The following BHLHE41 variants were observed in gnomAD, a reference collection of about 807,000 sequenced individuals.
BHLHE41 encodes class E basic helix-loop-helix protein 41.
BHLHE41 carries 14 observed loss-of-function variants against 24.0 expected under a neutral mutation model. The ratio of observed to expected loss-of-function variants is 0.58; its 90% CI spans 0.39 to 0.91. The LOEUF is 0.91. Among genes scored for constraint, BHLHE41 ranks in the 40% least tolerant of loss-of-function variants. BHLHE41 has a pLI of 0.00. For missense variants in BHLHE41, 674 were observed against 655.4 expected, an observed-to-expected ratio of 1.03 and a Z score of -0.31; for synonymous variants, 394 against 315.5, an observed-to-expected ratio of 1.25 and a Z score of -2.64.
chr12:26,121,951 A>C lies in BHLHE41; in HGVS notation c.*115T>G. On this transcript the variant is annotated 3_prime_UTR_variant, in exon 5 of 5. Coordinates refer to ENST00000242728, the MANE Select transcript of BHLHE41 (RefSeq NM_030762.3). ...TTTATGCCTGTCGTGCATCTATTAC[A>C]CTTCCTCCCTTAAAGACCTTAAGGG... is the stretch of plus-strand genomic sequence containing the variant. 3 of 1,536,282 alleles carry C rather than the reference A, an allele frequency of 2.0e-6. No individual in the cohort carries two copies. In the South Asian group the frequency reaches 3.6e-5, roughly 19 times the overall value.
Position 26,123,148 on chromosome 12 carries a change from G to C in BHLHE41, c.367C>G (p.Pro123Ala). The change falls in exon 5 of 5, where the codon CCC becomes GCC. Residue 123 changes from proline to alanine, a missense_variant. By Grantham distance (27) the Pro-to-Ala change is conservative. Transcript: ENST00000242728. ...LQNGERSLKS[P>A]IQSDLDAFHS... is the part of the protein sequence containing the mutation. Reference sequence around the variant, plus strand: ...AACGCATCCAAGTCGGACTGAATGGGCGATTTCAGAGATCGCTCCCCTAGG... The same window carrying C: ...AACGCATCCAAGTCGGACTGAATGGCCGATTTCAGAGATCGCTCCCCTAGG... The C allele has an allele frequency of 5.6e-6, 9 of 1,598,900 alleles. No individual in the cohort carries two copies. Among genetic ancestry groups the C allele is most frequent in the Non-Finnish European group, 7.7e-6 (9 of 1,169,308 alleles).
At chr12:26,124,221 A>G (rs1944341514) in intron 2 of BHLHE41, 42 bp from the exon 3 acceptor site, 1 of 1,328,606 alleles carries the variant, frequency 7.5e-7, no homozygotes, top group Admixed American at 1.7e-5. Flanking sequence ...ACAGTAAGCG[A>G]AACATTCACT....
rs1944303317 is a variant in BHLHE41 at position 26,121,382 on chromosome 12, C to G, written c.*684G>C. ...ATGGCCCAGCTCCGTGTTTCTTTAA[C>G]GAGTGCAAGTTACTAAGAGATACCA... On this transcript the variant is annotated 3_prime_UTR_variant, in exon 5 of 5. Transcript: ENST00000242728. 1.3e-5 allele frequency: 2 copies of G among 152,620 alleles called. No homozygotes were observed. The highest frequency in any genetic ancestry group is 6.5e-5 in the Admixed American group (1 of 15,282). 9.5% of individuals were successfully genotyped at this position (152,620 alleles called of 1,614,324 possible). A position where few individuals can be genotyped will look rare whatever the true frequency, so the allele number is the denominator to read the frequency against.
At position 26,122,601 on chromosome 12, in the gene BHLHE41, A is replaced by C; in HGVS notation, c.914T>G (p.Leu305Arg). Reference sequence around the variant, plus strand: ...GGCCGCGGCGGCAGGGTCGGGCCCCAGAAGCGCGGCTGCCGCCGCCGCCGC... The same window carrying C: ...GGCCGCGGCGGCAGGGTCGGGCCCCCGAAGCGCGGCTGCCGCCGCCGCCGC... The part of the protein sequence containing the change: ...GGAAAAAAAL[L>R]GPDPAAAAAL... Residue 305 changes from leucine (L) to arginine (R), a missense_variant, in exon 5 of 5, where the codon CTG becomes CGG. Physicochemically the swap from Leu to Arg is moderately radical, Grantham distance 102. Around this residue, in one of 3 missense-constraint regions of BHLHE41, gnomAD observed 602 missense variants for 570.8 expected, o/e 1.05. Transcript: ENST00000242728. The C allele has an allele frequency of 8.9e-7, 1 of 1,121,886 alleles. No individual in the cohort carries two copies. Among genetic ancestry groups the C allele is most frequent in the Non-Finnish European group, 1.1e-6 (1 of 923,250 alleles). The allele number at this position is 1,121,886 out of a possible 1,614,324, so 69.5% of individuals were successfully genotyped here. A position where few individuals can be genotyped will look rare whatever the true frequency, so the allele number is the denominator to read the frequency against.
rs750127483 is a variant in BHLHE41, at chr12:26,124,828, A to G, written c.-49T>C. ...TGTTTCGATTTTTGGGGCTCTGTAC[A>G]ATAATCTGTGGGACGGTAGGCTTGG... On this transcript the variant is annotated 5_prime_UTR_variant, in exon 1 of 5. Transcript: ENST00000242728. 1.3e-6 allele frequency: 2 copies of G among 1,591,566 alleles called. No individual in the cohort carries two copies. The highest frequency in any genetic ancestry group is 3.3e-5 in the Admixed American group (2 of 60,020).
rs563321241 is a variant in BHLHE41, at chr12:26,122,368, C to A, written c.1147G>T (p.Ala383Ser). The A allele has an allele frequency of 1.7e-6, 2 of 1,191,062 alleles. No individual in the cohort carries two copies. Among genetic ancestry groups the A allele is most frequent in the African/African-American group, 3.2e-5 (2 of 61,784 alleles). The allele number at this position is 1,191,062 out of a possible 1,614,324, so 73.8% of individuals were successfully genotyped here. A position where few individuals can be genotyped will look rare whatever the true frequency, so the allele number is the denominator to read the frequency against. The change falls in exon 5 of 5, where the codon GCC (alanine) becomes TCC (serine). Residue 383 changes from alanine (A) to serine (S), a missense_variant. This residue lies in a region of BHLHE41 where 602 missense variants were observed against 570.8 expected (regional missense o/e 1.05). Coordinates refer to ENST00000242728, the MANE Select transcript of BHLHE41 (RefSeq NM_030762.3). ...EKYLYPAAAA[A>S]PFPLLYPGIP... ...CCGGGGTATAGCAGCGGGAACGGGG[C>A]GGCAGCCGCCGCCGGGTACAGATAC...
In BHLHE41 at chr12:26,122,137, G is replaced by A. The variant is rs896233032; in HGVS notation, c.1378C>T (p.Pro460Ser). 2.3e-5 allele frequency: 36 copies of A among 1,548,740 alleles called. No homozygotes were observed. The Middle Eastern group carries it at 6.8e-4, about 29-fold the overall frequency. Residue 460 changes from proline (P) to serine (S), a missense_variant, in exon 5 of 5, where the codon CCC (proline) becomes TCC (serine). Transcript: ENST00000242728. ...CTCTCCGGGTTCCCCGGCTCGCGGG[G>A]CCCGGCGAAGGGCAGGTGGGTGCGG... ...HGRTHLPFAG[P>S]REPGNPESSA... is the part of the protein sequence containing the mutation.
chr12:26,123,986 A>T, intron 3 of BHLHE41, 86 bp downstream of exon 3: 1 of 994,812 alleles, frequency 1.0e-6, no homozygotes, highest in Non-Finnish European at 1.6e-6. Context: ...ACTTATATTT[A>T]CATTTATTCT....
chr12:26,123,693 G>A lies in BHLHE41; in HGVS notation c.283C>T (p.His95Tyr). Residue 95 changes from histidine to tyrosine, a missense_variant, in exon 4 of 5, where the codon CAC (histidine) becomes TAC (tyrosine). Physicochemically the swap from His to Tyr is moderately conservative, Grantham distance 83. Coordinates refer to ENST00000242728, the MANE Select transcript of BHLHE41 (RefSeq NM_030762.3). ...KAVVLELTLK[H>Y]LKALTALTEQ... ...GTTAAGGCGGTTAAAGCTTTTAAGT[G>A]TTTCAAAGTTAATTCCAAGACTACA... The A allele has an allele frequency of 1.9e-6, 3 of 1,614,130 alleles. No homozygotes were observed. The highest frequency in any genetic ancestry group is 2.2e-5 in the East Asian group (1 of 44,890).
Position 26,122,364 on chromosome 12 carries a change from G to C in BHLHE41, c.1151C>G (p.Pro384Arg), listed in dbSNP as rs121912617. 3.7e-5 allele frequency: 44 copies of C among 1,180,498 alleles called. No individual in the cohort carries two copies. Among genetic ancestry groups the C allele is most frequent in the Non-Finnish European group, 4.0e-5 (38 of 954,282 alleles). 73.1% of individuals were successfully genotyped at this position (1,180,498 alleles called of 1,614,324 possible). A position where few individuals can be genotyped will look rare whatever the true frequency, so the allele number is the denominator to read the frequency against. ...GATGCCGGGGTATAGCAGCGGGAAC[G>C]GGGCGGCAGCCGCCGCCGGGTACAG... The part of the protein sequence containing the change: ...KYLYPAAAAA[P>R]FPLLYPGIPA... The change falls in exon 5 of 5, where the codon CCG becomes CGG. Residue 384 changes from proline (P) to arginine (R), a missense_variant. This residue lies in a region of BHLHE41 where 602 missense variants were observed against 570.8 expected (regional missense o/e 1.05). Transcript: ENST00000242728.
In BHLHE41 at chr12:26,122,898, C is replaced by G. The variant is rs1417662006; in HGVS notation, c.617G>C (p.Arg206Pro). 1.9e-6 allele frequency: 3 copies of G among 1,548,896 alleles called. No individual in the cohort carries two copies. The highest frequency in any genetic ancestry group is 2.6e-6 in the Non-Finnish European group (3 of 1,146,490). ...AGSAAAPCLE[R>P]AGQKLEPLAY... ...GAGGGGCTCCAGCTTCTGCCCCGCG[C>G]GCTCCAGGCAGGGGGCGGCCGCGGA... Residue 206 changes from arginine (R) to proline (P), a missense_variant, in exon 5 of 5, where the codon CGC (arginine) becomes CCC (proline). Physicochemically the swap from Arg to Pro is moderately radical, Grantham distance 103. Transcript: ENST00000242728.
rs978174770 is a variant in BHLHE41, at chr12:26,121,988, C to A, written c.*78G>T. 12 of 1,541,826 alleles carry A rather than the reference C, an allele frequency of 7.8e-6. No individual in the cohort carries two copies. The highest frequency in any genetic ancestry group is 9.6e-6 in the Non-Finnish European group (11 of 1,141,954). On this transcript the variant is annotated 3_prime_UTR_variant, in exon 5 of 5. Transcript: ENST00000242728. The stretch of plus-strand genomic sequence containing the variant: ...AAAGACCTTAAGGGTATTTTAACTT[C>A]TCACTCTGCTTGAACCTCCTTAAGG...
intron 3 of BHLHE41, 73 bp downstream of exon 3, chr12:26,123,999 T>C (rs959229170): frequency 9.4e-7 from 1 of 1,061,812 alleles, no homozygotes; most frequent in African/African-American, 1.6e-5. Context: ...TTTATTCTTA[T>C]ATTTTCTGGG....
chr12:26,122,575 C>G lies in BHLHE41; in HGVS notation c.940G>C (p.Ala314Pro). 9.0e-7 allele frequency: 1 copy of G among 1,107,126 alleles called. No individual in the cohort carries two copies. The highest frequency in any genetic ancestry group is 1.1e-6 in the Non-Finnish European group (1 of 909,992). 68.6% of individuals were successfully genotyped at this position (1,107,126 alleles called of 1,614,324 possible). A position where few individuals can be genotyped will look rare whatever the true frequency, so the allele number is the denominator to read the frequency against. The change falls in exon 5 of 5, where the codon GCG becomes CCG. Residue 314 changes from alanine (A) to proline (P), a missense_variant. Around this residue, in one of 3 missense-constraint regions of BHLHE41, gnomAD observed 602 missense variants for 570.8 expected, o/e 1.05. Coordinates refer to ENST00000242728, the MANE Select transcript of BHLHE41 (RefSeq NM_030762.3). ...AGGGCGGCGTCGGGTCTCAGCAGCG[C>G]GGCCGCGGCGGCAGGGTCGGGCCCC... ...LLGPDPAAAA[A>P]LLRPDAALLS...
Position 26,124,071 on chromosome 12 carries a change from C to G in BHLHE41, c.234+1G>C. ...GCAAAGAATGAAAATGTGCATCTTA[C>G]TGTCAATTTCAGATGTTCAGGCAGT... On this transcript the variant is annotated splice_donor_variant, in intron 3 of 4. Transcript: ENST00000242728. LOFTEE classifies it high-confidence loss of function. 1 of 1,584,382 alleles carries G rather than the reference C, an allele frequency of 6.3e-7. No homozygotes were observed. The highest frequency in any genetic ancestry group is 8.7e-7 in the Non-Finnish European group (1 of 1,152,936).
At position 26,121,943 on chromosome 12, in the gene BHLHE41, T is replaced by C; in HGVS notation, c.*123A>G. ...TGTTCTTGTTTATGCCTGTCGTGCA[T>C]CTATTACACTTCCTCCCTTAAAGAC... On this transcript the variant is annotated 3_prime_UTR_variant, in exon 5 of 5. Transcript: ENST00000242728. 6.5e-6 allele frequency: 10 copies of C among 1,535,652 alleles called. No homozygotes were observed. The highest frequency in any genetic ancestry group is 8.8e-6 in the Non-Finnish European group (10 of 1,139,710).
Position 26,121,900 on chromosome 12 carries a change from A to C in BHLHE41, c.*166T>G, listed in dbSNP as rs770027124. 44 of 1,509,724 alleles carry C rather than the reference A, an allele frequency of 2.9e-5. No homozygotes were observed. The highest frequency in any genetic ancestry group is 3.8e-5 in the Non-Finnish European group (43 of 1,127,844). 93.5% of individuals were successfully genotyped at this position (1,509,724 alleles called of 1,614,324 possible). On this transcript the variant is annotated 3_prime_UTR_variant, in exon 5 of 5. Coordinates refer to ENST00000242728, the MANE Select transcript of BHLHE41 (RefSeq NM_030762.3). ...AGCAAAACAGGAACTCCGAATGTACACATAACACCTGTTTTGTTGTTCTTG... is the reference window on the plus strand; with the variant it reads ...AGCAAAACAGGAACTCCGAATGTACCCATAACACCTGTTTTGTTGTTCTTG...
rs1331969449 is a variant in BHLHE41 at position 26,123,069 on chromosome 12, A to T, written c.446T>A (p.Phe149Tyr). 1 of 1,593,120 alleles carries T rather than the reference A, an allele frequency of 6.3e-7. No individual in the cohort carries two copies. Among genetic ancestry groups the T allele is most frequent in the East Asian group, 2.3e-5 (1 of 44,072 alleles). The change falls in exon 5 of 5, where the codon TTT becomes TAT. Residue 149 changes from phenylalanine (F) to tyrosine (Y), a missense_variant. By Grantham distance (22) the Phe-to-Tyr change is conservative. This residue lies in a region of BHLHE41 where 602 missense variants were observed against 570.8 expected (regional missense o/e 1.05). Transcript: ENST00000242728. ...CGGCTCCCTGGGTGTCCAGCTCTCA[A>T]ACCGGGAGAGGTATTGCAAGACTTC... ...AKEVLQYLSR[F>Y]ESWTPREPRC...
At chr12:26,123,288 T>TGGGG in intron 4 of BHLHE41, 120 bp from the exon 5 acceptor site, 22 of 1,310,612 alleles carry the variant, frequency 1.7e-5, no homozygotes, top group Admixed American at 2.8e-5. Context: ...TCTCGGTTTT[T>TGGGG]CCCCAGTATT....
Sources: allele counts gnomAD v4.1 joint callset, GRCh38; gene constraint gnomAD v4.1.1; regional missense constraint gnomAD v4.1.1; transcripts MANE v1.5; gene names NCBI Gene and HGNC (gene_info 2026-07-23, HGNC 2026-07-21).